HDC: variants seen among roughly 807,000 people sequenced by gnomAD.
HDC encodes histidine decarboxylase.
A neutral mutation model predicts 64.4 loss-of-function variants in HDC; 27 were observed. The observed-to-expected ratio is 0.42, with a 90% CI of 0.31 to 0.58. HDC has a LOEUF of 0.58. HDC is among the 20% of genes least tolerant of loss of function. The pLI, the probability that HDC is intolerant of heterozygous loss-of-function variation, is 0.16. For synonymous variants in HDC, 305 were observed against 314.2 expected (o/e 0.97, Z 0.31); for missense variants, 711 against 833.9 (o/e 0.85, Z 1.81).
intron 10 of HDC, among the ~76,000 whole-genome samples, chr15:50,247,089 G>T (rs994542807): frequency 3.9e-5 from 6 of 152,216 alleles, no homozygotes; most frequent in African/African-American, 1.2e-4. Context: ...GTTGGCAGAG[G>T]CTGGGAAGGG....
At chr15:50,246,181 A>T (rs931613119) in intron 10 of HDC, among the ~76,000 whole-genome samples, 1 of 152,202 alleles carries the variant, frequency 6.6e-6, no homozygotes, top group African/African-American at 2.4e-5. Context: ...GCCAGGTTAG[A>T]GTGACCACCC....
chr15:50,242,675 T>A lies in HDC; in HGVS notation c.1574A>T (p.Gln525Leu). 1 of 1,614,174 alleles carries A rather than the reference T, an allele frequency of 6.2e-7. No individual in the cohort carries two copies. Among genetic ancestry groups the A allele is most frequent in the Non-Finnish European group, 8.5e-7 (1 of 1,180,026 alleles). Residue 525 changes from glutamine (Q) to leucine (L), a missense_variant, in exon 12 of 12, where the codon CAG becomes CTG. Around this residue, in one of 3 missense-constraint regions of HDC, gnomAD observed 483 missense variants for 540.9 expected, o/e 0.89. Transcript: ENST00000267845. ...GGGACCGGCTCCCACACGCTGAGGC[T>A]GCTTGATGATCTTCCTGGCCTGGAC... Reference protein sequence around the residue: ...DPVQARKIIKQPQRVGAGPMK... With the variant: ...DPVQARKIIKLPQRVGAGPMK...
At position 50,248,878 on chromosome 15, in the gene HDC, A is replaced by G. The variant is rs997574853; in HGVS notation, c.1042-535T>C. Among the ~76,000 whole-genome samples, 1 of 152,168 alleles carries G rather than the reference A, an allele frequency of 6.6e-6. No homozygotes were observed. The highest frequency in any genetic ancestry group is 1.5e-5 in the Non-Finnish European group (1 of 68,030). On this transcript the variant is annotated intron_variant, in intron 9 of 11. Coordinates refer to ENST00000267845, the MANE Select transcript of HDC (RefSeq NM_002112.4). The surrounding 1 kb of genome is among the most constrained non-coding windows in gnomAD (Gnocchi z 4.3). ...TCACTGGCTCATCAGTCCGGGACAT[A>G]AAGAACCAATTGCACCTCCCGGGCA...
Position 50,242,407 on chromosome 15 carries a change from G to A in HDC, c.1842C>T (p.Ile614=), listed in dbSNP as rs1472003930. 14 of 1,614,190 alleles carry A rather than the reference G, an allele frequency of 8.7e-6. No homozygotes were observed. The highest frequency in any genetic ancestry group is 1.3e-5 in the African/African-American group (1 of 75,038). Reference sequence around the variant, plus strand: ...TCATGTCTTCTGGAAACCTGGAAAAGATTCTGACCCTGGAGGAGCCCCCAT... The same window carrying A: ...TCATGTCTTCTGGAAACCTGGAAAAAATTCTGACCCTGGAGGAGCCCCCAT... ...VKNGGSSRVR[I]FSRFPEDMMM... is the part of the protein sequence containing the mutation. Residue 614 remains isoleucine, a synonymous_variant, in exon 12 of 12, where the codon ATC becomes ATT. Transcript: ENST00000267845.
chr15:50,251,006 T>TAAG (rs1157206400), intron 9 of HDC, among the ~76,000 whole-genome samples: 15 of 152,162 alleles, frequency 9.9e-5, no homozygotes, highest in Admixed American at 9.2e-4. Context: ...TCCAAGAAGA[T>TAAG]AAGATAAAAC....
chr15:50,261,045 T>C (rs1005610888), intron 2 of HDC, among the ~76,000 whole-genome samples: 1 of 152,078 alleles, frequency 6.6e-6, no homozygotes, highest in Admixed American at 6.5e-5. Flanking sequence ...GCCTGAGAGA[T>C]GAGTTGAGAG....
At chr15:50,259,769 T>C (rs1013087390) in intron 2 of HDC, among the ~76,000 whole-genome samples, 13 of 152,332 alleles carry the variant, frequency 8.5e-5, no homozygotes, top group African/African-American at 3.1e-4. Context: ...TTCACTCTAC[T>C]GAGGACTCAT....
At chr15:50,259,241 C>A (rs1344528499) in intron 2 of HDC, among the ~76,000 whole-genome samples, 1 of 152,140 alleles carries the variant, frequency 6.6e-6, no homozygotes, top group African/African-American at 2.4e-5. Context: ...CAAAAGGCAC[C>A]TTTTGTTTTT....
Position 50,242,285 on chromosome 15 carries a change from C to A in HDC, c.1964G>T (p.Cys655Phe). Reference sequence around the variant, plus strand: ...CTAAACCATGGCCTGCAGAGGGCAACAGGGCAGCTGGAGTCCACATTGAGA... The same window carrying A: ...CTAAACCATGGCCTGCAGAGGGCAAAAGGGCAGCTGGAGTCCACATTGAGA... ...CSSQCGLQLPCCPLQAMV is the reference protein window; with the variant it reads ...CSSQCGLQLPFCPLQAMV Residue 655 changes from cysteine to phenylalanine, a missense_variant, in exon 12 of 12, where the codon TGT (cysteine) becomes TTT (phenylalanine). Cys to Phe is a radical substitution (Grantham distance 205). Transcript: ENST00000267845. 1 of 1,614,176 alleles carries A rather than the reference C, an allele frequency of 6.2e-7. No homozygotes were observed. The highest frequency in any genetic ancestry group is 1.3e-5 in the African/African-American group (1 of 75,046).
At chr15:50,256,627 C>T (rs1359663816) in intron 4 of HDC, among the ~76,000 whole-genome samples, 1 of 152,164 alleles carries the variant, frequency 6.6e-6, no homozygotes, top group Admixed American at 6.5e-5. Flanking sequence ...CTCAAGTGAT[C>T]CATCTGTCTC....
In HDC at chr15:50,243,289, A is replaced by G. The variant is rs767443672; in HGVS notation, c.1141-45T>C. 4 of 1,249,584 alleles carry G rather than the reference A, an allele frequency of 3.2e-6. No homozygotes were observed. In the Admixed American group the frequency reaches 6.7e-5, roughly 21 times the overall value. 77.4% of individuals were successfully genotyped at this position (1,249,584 alleles called of 1,614,324 possible). ...GAGAACTGAGATTAATCATCAGACA[A>G]GAGACTATGCATAAACTTTCAGACT... On this transcript the variant is annotated intron_variant, in intron 10 of 11. Transcript: ENST00000267845.
rs1415195728 is a variant in HDC, at chr15:50,242,364, C to G, written c.1885G>C (p.Ala629Pro). The change falls in exon 12 of 12, where the codon GCC becomes CCC. Residue 629 changes from alanine (A) to proline (P), a missense_variant. This residue lies in a region of HDC where 483 missense variants were observed against 540.9 expected (regional missense o/e 0.89). Coordinates refer to ENST00000267845, the MANE Select transcript of HDC (RefSeq NM_002112.4). ...TAGAATTTGATGAGTTTTTTGAAGG[C>G]ACTTTTCTTCAGCATCATCATGTCT... ...PEDMMMLKKS[A>P]FKKLIKFYSV... 1.9e-6 allele frequency: 3 copies of G among 1,613,998 alleles called. No homozygotes were observed. Among genetic ancestry groups the G allele is most frequent in the African/African-American group, 1.3e-5 (1 of 74,894 alleles).
intron 7 of HDC, 79 bp from the exon 8 acceptor site, chr15:50,252,853 G>A: frequency 4.2e-6 from 6 of 1,419,410 alleles, no homozygotes; most frequent in Non-Finnish European, 5.8e-6. Flanking sequence ...AAGCTGAGTG[G>A]TGGGCTGCAA....
chr15:50,259,658 G>T (rs10518836), intron 2 of HDC, among the ~76,000 whole-genome samples: 12,124 of 152,208 alleles, frequency 0.08, 660 homozygotes, highest in Middle Eastern at 0.11. Context: ...CCAGTTCTTA[G>T]AAAGCTACTA....
Position 50,242,892 on chromosome 15 carries a change from G to A in HDC, c.1357C>T (p.Gln453Ter). The change falls in exon 12 of 12, where the codon CAG (glutamine) becomes TAG (stop). Residue 453 changes from glutamine to a stop codon, truncating the protein, a stop_gained. Transcript: ENST00000267845. LOFTEE classifies it high-confidence loss of function. ...KLIIRFTVTS[Q>*]FTTRDDILRD... is the part of the protein sequence containing the mutation. ...AGGATGTCATCCCTAGTGGTAAACT[G>A]GGATGTCACAGTGAAACGGATGATT... is the stretch of plus-strand genomic sequence containing the variant. The A allele has an allele frequency of 6.2e-7, 1 of 1,614,156 alleles. No homozygotes were observed. The highest frequency in any genetic ancestry group is 1.1e-5 in the South Asian group (1 of 91,084).
chr15:50,252,689 C>T lies in HDC; in HGVS notation c.873G>A (p.Lys291=). ...TGAAGGAGTCGGCATACTCAATCCC[C>T]TTCAGAAACCCCCGGAACTCGGGGC... ...FLCPEFRGFL[K]GIEYADSFTF... is the part of the protein sequence containing the mutation. The change falls in exon 8 of 12, where the codon AAG becomes AAA. Residue 291 remains lysine (K), a synonymous_variant. Transcript: ENST00000267845. The T allele has an allele frequency of 1.2e-6, 2 of 1,614,184 alleles. No homozygotes were observed. Among genetic ancestry groups the T allele is most frequent in the Middle Eastern group, 1.6e-4 (1 of 6,062 alleles).
At chr15:50,262,039 G>A (rs1015947704) in intron 2 of HDC, among the ~76,000 whole-genome samples, 1 of 152,018 alleles carries the variant, frequency 6.6e-6, no homozygotes, top group Non-Finnish European at 1.5e-5. Context: ...AAAGTTCTTT[G>A]GGAATGATGA....
chr15:50,247,400 A>T (rs193174148), intron 10 of HDC, among the ~76,000 whole-genome samples: 24 of 152,258 alleles, frequency 1.6e-4, no homozygotes, highest in East Asian at 9.6e-4. Flanking sequence ...TATTTTTTTT[A>T]AATGTTAAAA....
At chr15:50,250,803 T>TTTTA (rs1165428687) in intron 9 of HDC, among the ~76,000 whole-genome samples, 2 of 152,088 alleles carry the variant, frequency 1.3e-5, no homozygotes, top group Non-Finnish European at 2.9e-5. Context: ...GAACCATTAT[T>TTTTA]TTTCTTTCTT....
Sources: allele counts gnomAD v4.1 joint callset (sites outside exome capture counted in the v4.1 genomes callset), GRCh38; gene constraint gnomAD v4.1.1; regional missense constraint gnomAD v4.1.1; non-coding constraint Gnocchi (gnomAD v3.1); transcripts MANE v1.5; gene names NCBI Gene and HGNC (gene_info 2026-07-23, HGNC 2026-07-21).